Variants in GALNT8 observed in about 807,000 individuals in gnomAD.
The protein encoded by GALNT8 is probable polypeptide N-acetylgalactosaminyltransferase 8.
A neutral mutation model predicts 62.7 loss-of-function variants in GALNT8; 66 were observed. That is an observed-to-expected ratio of 1.05 (90% CI 0.86 to 1.29). The LOEUF (loss-of-function observed/expected upper bound fraction) is 1.29, where lower values mean the gene tolerates loss of function less well. GALNT8 is among the 50% of genes most tolerant of loss of function. The probability of loss-of-function intolerance (pLI) is 0.00; values close to 1 mark genes in which losing one functional copy is unlikely to be tolerated. For missense variants in GALNT8, 771 were observed against 791.8 expected, an observed-to-expected ratio of 0.97 and a Z score of 0.32; for synonymous variants, 288 against 294.3, an observed-to-expected ratio of 0.98 and a Z score of 0.22.
chr12:4,731,972 A>C (rs992246289), intron 2 of GALNT8, among the ~76,000 whole-genome samples: 4 of 152,200 alleles, frequency 2.6e-5, no homozygotes, highest in Non-Finnish European at 4.4e-5. Flanking sequence ...TCAGGATGAT[A>C]AAAGTAATGA....
At chr12:4,764,207 C>T (rs1179595458) in intron 9 of GALNT8, among the ~76,000 whole-genome samples, 160 bp downstream of exon 9, 1 of 152,180 alleles carries the variant, frequency 6.6e-6, no homozygotes, top group East Asian at 1.9e-4. Context: ...TAACTGAGCA[C>T]GTCTTAGTTT....
At chr12:4,754,100 C>G (rs78041278) in intron 6 of GALNT8, among the ~76,000 whole-genome samples, 6,169 of 152,194 alleles carry the variant, frequency 0.041, 246 homozygotes, top group East Asian at 0.2. Flanking sequence ...CAAGCAACCC[C>G]GTGACCACCG....
At chr12:4,766,417 C>T (rs937417274) in intron 10 of GALNT8, among the ~76,000 whole-genome samples, 14 of 152,138 alleles carry the variant, frequency 9.2e-5, no homozygotes, top group African/African-American at 3.1e-4. Flanking sequence ...AAGCATTTCA[C>T]GTGGTGCCTG....
At chr12:4,721,129 C>A (rs960913732) in intron 1 of GALNT8, among the ~76,000 whole-genome samples, 4 of 151,706 alleles carry the variant, frequency 2.6e-5, no homozygotes, top group African/African-American at 7.3e-5. Context: ...TGTGTGTATG[C>A]GTGTGTGGGC....
At chr12:4,760,501 G>C (rs1473934635) in intron 6 of GALNT8, among the ~76,000 whole-genome samples, 1 of 152,194 alleles carries the variant, frequency 6.6e-6, no homozygotes, top group Non-Finnish European at 1.5e-5. Flanking sequence ...CTCAAGGGGA[G>C]GGGATCAGGC....
At position 4,726,682 on chromosome 12, in the gene GALNT8, A is replaced by T. The variant is rs770337527; in HGVS notation, c.362A>T (p.His121Leu). 6.2e-7 allele frequency: 1 copy of T among 1,613,948 alleles called. No homozygotes were observed. Among genetic ancestry groups the T allele is most frequent in the South Asian group, 1.1e-5 (1 of 91,058 alleles). Reference protein sequence around the residue: ...KHKTQMKLFPHSQLFRQWGED... With the variant: ...KHKTQMKLFPLSQLFRQWGED... ...AAAACCCAAATGAAACTCTTCCCAC[A>T]CTCACAGCTTTTCAGGCAATGGGGC... The change falls in exon 2 of 11, where the codon CAC becomes CTC. Residue 121 changes from histidine to leucine, a missense_variant. By Grantham distance (99) the His-to-Leu change is moderately conservative. Coordinates refer to ENST00000252318, the MANE Select transcript of GALNT8 (RefSeq NM_017417.2). This position sits in a 1 kb window ranked among gnomAD's most constrained non-coding sequence, Gnocchi z 4.1.
chr12:4,769,466 T>A (rs1183353988), intron 10 of GALNT8, among the ~76,000 whole-genome samples: 1 of 152,312 alleles, frequency 6.6e-6, no homozygotes, highest in Non-Finnish European at 1.5e-5. Flanking sequence ...AATATCTTAA[T>A]ACTTATCACA....
intron 8 of GALNT8, 116 bp from the exon 9 acceptor site, chr12:4,763,836 G>C: frequency 2.9e-6 from 2 of 693,306 alleles, no homozygotes; most frequent in Non-Finnish European, 5.3e-6. Flanking sequence ...TCTGCTCCTT[G>C]TGGCTGGTCG....
chr12:4,758,439 A>G (rs914948618), intron 6 of GALNT8, among the ~76,000 whole-genome samples: 2 of 152,214 alleles, frequency 1.3e-5, no homozygotes, highest in East Asian at 1.9e-4. Context: ...AGAACTGAAC[A>G]TGTAACTTCC....
rs1431643071 is a variant in GALNT8, at chr12:4,745,601, C to G, written c.1033C>G (p.Leu345Val). Reference sequence around the variant, plus strand: ...TGCACTGCCACAAGCCTGGATTGATCTGCATGATGTCACTGCCCCAGTGAA... The same window carrying G: ...TGCACTGCCACAAGCCTGGATTGATGTGCATGATGTCACTGCCCCAGTGAA... Reference protein sequence around the residue: ...YDALPQAWIDLHDVTAPVKSP... With the variant: ...YDALPQAWIDVHDVTAPVKSP... The change falls in exon 5 of 11, where the codon CTG (leucine) becomes GTG (valine). Residue 345 changes from leucine (L) to valine (V), a missense_variant. By Grantham distance (32) the Leu-to-Val change is conservative. Coordinates refer to ENST00000252318, the MANE Select transcript of GALNT8 (RefSeq NM_017417.2). 2 of 1,613,890 alleles carry G rather than the reference C, an allele frequency of 1.2e-6. No individual in the cohort carries two copies. The highest frequency in any genetic ancestry group is 1.7e-5 in the Admixed American group (1 of 60,022).
At chr12:4,755,612 G>A (rs1946341027) in intron 6 of GALNT8, among the ~76,000 whole-genome samples, 2 of 152,264 alleles carry the variant, frequency 1.3e-5, no homozygotes, top group East Asian at 1.9e-4. Flanking sequence ...TGTAAATAGT[G>A]GTTAAATTTG....
Position 4,762,593 on chromosome 12 carries a change from A to G in GALNT8, c.1360-660A>G, listed in dbSNP as rs74866379. Among the ~76,000 whole-genome samples the G allele has an allele frequency of 7.2e-3, 1,102 of 152,352 alleles. 14 individuals are homozygous for G. The highest frequency in any genetic ancestry group is 0.025 in the African/African-American group (1,057 of 41,578). The stretch of plus-strand genomic sequence containing the variant: ...CTGCGTAAGCTTATGAGGAGAAATA[A>G]ACCTGAGCGGCCCCACTATGCAGGC... On this transcript the variant is annotated intron_variant, in intron 7 of 10. Coordinates refer to ENST00000252318, the MANE Select transcript of GALNT8 (RefSeq NM_017417.2).
intron 1 of GALNT8, among the ~76,000 whole-genome samples, chr12:4,721,674 A>G (rs1408462578): frequency 6.6e-6 from 1 of 152,118 alleles, no homozygotes; most frequent in African/African-American, 2.4e-5. Flanking sequence ...TTACACCGAG[A>G]CATTCCATTG....
intron 3 of GALNT8, among the ~76,000 whole-genome samples, chr12:4,741,416 A>G (rs1946271540): frequency 6.6e-6 from 1 of 152,176 alleles, no homozygotes; most frequent in African/African-American, 2.4e-5. Flanking sequence ...AAATAGGAGC[A>G]TGATTAGAAA....
intron 2 of GALNT8, among the ~76,000 whole-genome samples, chr12:4,738,244 C>T (rs953748827): frequency 2.0e-5 from 3 of 151,990 alleles, no homozygotes; most frequent in African/African-American, 7.3e-5. Flanking sequence ...AAAGTTGGAT[C>T]CCTCATCACA....
At position 4,745,574 on chromosome 12, in the gene GALNT8, G is replaced by A. The variant is rs71579265; in HGVS notation, c.1006G>A (p.Asp336Asn). Residue 336 changes from aspartate to asparagine, a missense_variant, in exon 5 of 11, where the codon GAT (aspartate) becomes AAT (asparagine). Physicochemically the swap from Asp to Asn is conservative, Grantham distance 23. Coordinates refer to ENST00000252318, the MANE Select transcript of GALNT8 (RefSeq NM_017417.2). ...GFNWELWCRYDALPQAWIDLH... is the reference protein window; with the variant it reads ...GFNWELWCRYNALPQAWIDLH... ...TAACTGGGAACTCTGGTGCCGCTACGATGCACTGCCACAAGCCTGGATTGA... is the reference window on the plus strand; with the variant it reads ...TAACTGGGAACTCTGGTGCCGCTACAATGCACTGCCACAAGCCTGGATTGA... The A allele has an allele frequency of 3.4e-4, 544 of 1,613,884 alleles. No individual in the cohort carries two copies. Among genetic ancestry groups the A allele is most frequent in the Non-Finnish European group, 4.4e-4 (522 of 1,179,946 alleles).
intron 3 of GALNT8, among the ~76,000 whole-genome samples, chr12:4,739,909 C>T (rs1314872507): frequency 1.3e-5 from 2 of 152,020 alleles, no homozygotes; most frequent in Non-Finnish European, 2.9e-5. Flanking sequence ...CCTCGTGATC[C>T]GCCCGCCTCG....
At chr12:4,747,883 T>C (rs1946307020) in intron 6 of GALNT8, among the ~76,000 whole-genome samples, 1 of 152,200 alleles carries the variant, frequency 6.6e-6, no homozygotes, top group Non-Finnish European at 1.5e-5. Context: ...CCAGCATTGT[T>C]ATTGCCTGTC....
chr12:4,740,821 G>A (rs1024098240), intron 3 of GALNT8, among the ~76,000 whole-genome samples: 16 of 152,166 alleles, frequency 1.1e-4, no homozygotes, highest in African/African-American at 2.9e-4. Flanking sequence ...GACTGATCAA[G>A]GAACTTGTTC....
Sources: gnomAD v4.1 joint callset for allele counts (sites outside exome capture counted in the v4.1 genomes callset) on GRCh38, gnomAD v4.1.1 for gene constraint, Gnocchi (gnomAD v3.1) non-coding constraint, MANE v1.5 for transcripts, NCBI Gene and HGNC (gene_info 2026-07-23, HGNC 2026-07-21) for gene names.